KCNMA1: variants seen among roughly 807,000 people sequenced by gnomAD.
KCNMA1 encodes potassium calcium-activated channel subfamily M alpha 1.
In KCNMA1, 29 loss-of-function variants were observed where a neutral mutation model predicts 140.0. That is an observed-to-expected ratio of 0.21 (90% CI 0.15 to 0.28). The LOEUF (loss-of-function observed/expected upper bound fraction) is 0.28. Ranked by LOEUF, KCNMA1 falls within the 10% of genes least tolerant of loss-of-function variation. KCNMA1 has a pLI of 1.00. For missense variants in KCNMA1, 880 were observed against 1,602.2 expected (o/e 0.55, Z 7.70); for synonymous variants, 612 against 611.9 (o/e 1.00, Z 0.00).
At position 76,970,003 on chromosome 10, in the gene KCNMA1, G is replaced by A. The variant is rs201401747; in HGVS notation, c.2331C>T (p.Asn777=). 2 of 1,614,066 alleles carry A rather than the reference G, an allele frequency of 1.2e-6. No individual in the cohort carries two copies. The highest frequency in any genetic ancestry group is 1.7e-6 in the Non-Finnish European group (2 of 1,179,952). ...TCAGCTTAGGCGAGGTGTTGGGTGAGTTCCGCATGCCTCCATTCCGTTGCT... is the reference window on the plus strand; with the variant it reads ...TCAGCTTAGGCGAGGTGTTGGGTGAATTCCGCATGCCTCCATTCCGTTGCT... ...KKKQRNGGMR[N]SPNTSPKLMR... Residue 777 remains asparagine, a synonymous_variant, in exon 20 of 28, where the codon AAC becomes AAT. Coordinates refer to ENST00000286628, the MANE Select transcript of KCNMA1 (RefSeq NM_001161352.2).
At chr10:77,238,286 A>C (rs529426) in intron 3 of KCNMA1, among the ~76,000 whole-genome samples, 62,328 of 151,860 alleles carry the variant, frequency 0.41, 14,264 homozygotes, top group East Asian at 0.78. Context: ...CTGTTTGGGT[A>C]CCCAGTGGTC....
intron 2 of KCNMA1, among the ~76,000 whole-genome samples, chr10:77,304,008 A>T (rs765195400): frequency 6.6e-5 from 10 of 152,216 alleles, no homozygotes; most frequent in East Asian, 1.9e-4. Flanking sequence ...AGATGTTTTC[A>T]TGCCTTGACC....
intron 11 of KCNMA1, 77 bp downstream of exon 11, chr10:77,086,411 C>T: frequency 9.4e-7 from 1 of 1,063,972 alleles, no homozygotes; most frequent in Non-Finnish European, 1.5e-6. Flanking sequence ...AGGTGTGTCC[C>T]CTCAGCACAG....
At chr10:77,383,900 C>G (rs1428046680) in intron 2 of KCNMA1, among the ~76,000 whole-genome samples, 1 of 152,228 alleles carries the variant, frequency 6.6e-6, no homozygotes, top group Non-Finnish European at 1.5e-5. Flanking sequence ...TCACTGACCA[C>G]CGGTGTTGGA....
At chr10:77,433,492 A>G (rs983813528) in intron 1 of KCNMA1, 2 of 152,232 alleles carry the variant, frequency 1.3e-5, no homozygotes, top group Non-Finnish European at 2.9e-5. Context: ...TTCATGTTTT[A>G]TAGTTCAAGA....
chr10:77,610,098 T>C (rs942077022), intron 1 of KCNMA1, among the ~76,000 whole-genome samples: 1 of 152,238 alleles, frequency 6.6e-6, no homozygotes, highest in Non-Finnish European at 1.5e-5. Context: ...CCAAATCCTG[T>C]GTGGCCCTCA....
intron 1 of KCNMA1, among the ~76,000 whole-genome samples, chr10:77,407,165 A>G (rs1407269266): frequency 6.6e-6 from 1 of 152,184 alleles, no homozygotes; most frequent in African/African-American, 2.4e-5. Flanking sequence ...TGTGAGCTTA[A>G]TTACCATGTG....
At chr10:77,578,659 G>A (rs948104256) in intron 1 of KCNMA1, among the ~76,000 whole-genome samples, 4 of 152,114 alleles carry the variant, frequency 2.6e-5, no homozygotes, top group Non-Finnish European at 5.9e-5. Context: ...CTTCCCTCTC[G>A]CTCCAGAGTA....
chr10:77,492,371 C>T (rs999807768), intron 1 of KCNMA1, among the ~76,000 whole-genome samples: 3 of 152,340 alleles, frequency 2.0e-5, no homozygotes, highest in African/African-American at 4.8e-5. Flanking sequence ...AGCTGGATCA[C>T]CTCCTTGGCC....
chr10:77,399,442 T>C (rs1317068352), intron 2 of KCNMA1, among the ~76,000 whole-genome samples: 2 of 152,178 alleles, frequency 1.3e-5, no homozygotes, highest in Admixed American at 6.5e-5. Context: ...AACATTTGTT[T>C]AGTTAAGAAA....
chr10:76,931,668 T>C (rs909416009), intron 23 of KCNMA1, among the ~76,000 whole-genome samples: 1 of 152,138 alleles, frequency 6.6e-6, no homozygotes, highest in African/African-American at 2.4e-5. Context: ...GTATGAGGTT[T>C]TCTGTCAGCG....
In KCNMA1 at chr10:76,969,877, G is replaced by A. The variant is rs145975680; in HGVS notation, c.2360+97C>T. The A allele has an allele frequency of 2.2e-3, 2,073 of 929,756 alleles. 34 individuals are homozygous for A. In the African/African-American group the frequency reaches 0.029, roughly 13 times the overall value. The allele number at this position is 929,756 out of a possible 1,614,324, so 57.6% of individuals were successfully genotyped here. A position where few individuals can be genotyped will look rare whatever the true frequency, so the allele number is the denominator to read the frequency against. ...CCCTCCCCCACCCCGGGCTTGCTGGGGAGGGGAGACTCTGGGCCTGGCAGG... is the reference window on the plus strand; with the variant it reads ...CCCTCCCCCACCCCGGGCTTGCTGGAGAGGGGAGACTCTGGGCCTGGCAGG... On this transcript the variant is annotated intron_variant, in intron 20 of 27. Coordinates refer to ENST00000286628, the MANE Select transcript of KCNMA1 (RefSeq NM_001161352.2).
At chr10:77,114,511 C>T (rs757925947) in intron 6 of KCNMA1, among the ~76,000 whole-genome samples, 17 of 152,212 alleles carry the variant, frequency 1.1e-4, no homozygotes, top group Admixed American at 2.0e-4. Context: ...TCTCCCACCA[C>T]CCCTCTTTCA....
chr10:77,278,634 T>C (rs2067402904), intron 2 of KCNMA1, among the ~76,000 whole-genome samples: 1 of 152,138 alleles, frequency 6.6e-6, no homozygotes. Flanking sequence ...AAAAATATTT[T>C]CTCTGCCATA....
chr10:77,519,296 T>C (rs769052240), intron 1 of KCNMA1, among the ~76,000 whole-genome samples: 2 of 152,188 alleles, frequency 1.3e-5, no homozygotes, highest in African/African-American at 2.4e-5. Context: ...GACCCCTCCA[T>C]TGGCAGCTGG....
intron 1 of KCNMA1, among the ~76,000 whole-genome samples, chr10:77,422,231 T>C (rs558474273): frequency 5.3e-5 from 8 of 152,332 alleles, no homozygotes; most frequent in Admixed American, 2.0e-4. Flanking sequence ...TCTCAAACTT[T>C]AGTGTGCATC....
intron 2 of KCNMA1, among the ~76,000 whole-genome samples, chr10:77,311,001 A>G (rs1163421469): frequency 3.3e-5 from 5 of 152,162 alleles, no homozygotes; most frequent in Non-Finnish European, 7.3e-5. Context: ...TTCTTCCTGC[A>G]GGTCTGACAA....
chr10:77,227,885 C>T (rs1309092581), intron 3 of KCNMA1, among the ~76,000 whole-genome samples: 1 of 152,058 alleles, frequency 6.6e-6, no homozygotes, highest in Admixed American at 6.5e-5. Flanking sequence ...GCTACCTACC[C>T]TGTAAGATGT....
intron 2 of KCNMA1, among the ~76,000 whole-genome samples, chr10:77,315,981 GATAAA>G (rs2154349550): frequency 6.6e-6 from 1 of 152,316 alleles, no homozygotes; most frequent in South Asian, 2.1e-4. Context: ...GTGGGCGCAA[GATAAA>G]CATCTATTGA....
Sources: allele counts gnomAD v4.1 joint callset (sites outside exome capture counted in the v4.1 genomes callset), GRCh38; gene constraint gnomAD v4.1.1; transcripts MANE v1.5; gene names NCBI Gene and HGNC (gene_info 2026-07-23, HGNC 2026-07-21).